EPHB1: variants seen among roughly 807,000 people sequenced by gnomAD.
EPHB1 encodes ephrin type-B receptor 1.
Under a neutral mutation model 94.4 loss-of-function variants are expected in EPHB1, and 30 were observed. The observed-to-expected ratio is 0.32, with a 90% confidence interval of 0.24 to 0.43. The LOEUF (loss-of-function observed/expected upper bound fraction) is 0.43, where lower values mean the gene tolerates loss of function less well. EPHB1 is among the 20% of genes least tolerant of loss of function. The pLI, the probability that EPHB1 is intolerant of heterozygous loss-of-function variation, is 1.00. For missense variants in EPHB1, 1,055 were observed against 1,308.3 expected (o/e 0.81, Z 2.99); for synonymous variants, 522 against 489.1 (o/e 1.07, Z -0.89).
chr3:135,085,048 A>C (rs1404576), intron 3 of EPHB1, among the ~76,000 whole-genome samples: 150,919 of 152,292 alleles, frequency 0.99, 74,791 homozygotes, highest in Middle Eastern at 1. Flanking sequence ...GATTCTGGAA[A>C]CTGGGTATTC....
intron 1 of EPHB1, among the ~76,000 whole-genome samples, chr3:134,906,360 G>A (rs1215603504): frequency 6.6e-6 from 1 of 152,114 alleles, no homozygotes; most frequent in Non-Finnish European, 1.5e-5. Flanking sequence ...TATCCTCTGG[G>A]TTCCAGCTGG....
intron 1 of EPHB1, among the ~76,000 whole-genome samples, chr3:134,865,939 A>G (rs1417328269): frequency 6.6e-6 from 1 of 152,230 alleles, no homozygotes; most frequent in Admixed American, 6.5e-5. Context: ...AAGCTACGTT[A>G]TCTGGAGAAA....
chr3:134,940,509 A>G (rs2107709358), intron 2 of EPHB1, among the ~76,000 whole-genome samples: 1 of 152,344 alleles, frequency 6.6e-6, no homozygotes, highest in East Asian at 1.9e-4. Context: ...CTTGCTGTTT[A>G]AACTTCTGTA....
At chr3:135,095,031 C>T (rs1026659659) in intron 3 of EPHB1, among the ~76,000 whole-genome samples, 25 of 152,196 alleles carry the variant, frequency 1.6e-4, no homozygotes, top group African/African-American at 6.0e-4. Context: ...GCAGCTGCTG[C>T]AGGAAGAGCC....
intron 5 of EPHB1, among the ~76,000 whole-genome samples, chr3:135,135,462 G>A (rs1186574395): frequency 6.6e-6 from 1 of 152,186 alleles, no homozygotes; most frequent in Non-Finnish European, 1.5e-5. Context: ...ATGAACAGAA[G>A]CTATGCATTT....
chr3:134,894,183 T>C (rs910182511), intron 1 of EPHB1, among the ~76,000 whole-genome samples: 2 of 152,176 alleles, frequency 1.3e-5, no homozygotes, highest in African/African-American at 4.8e-5. Context: ...GGGCTCCTAA[T>C]ATTCCTGGAA....
intron 2 of EPHB1, among the ~76,000 whole-genome samples, chr3:134,948,300 A>AC (rs34670725): frequency 0.52 from 78,019 of 150,686 alleles, 21,632 homozygotes; most frequent in African/African-American, 0.71. Flanking sequence ...GGATCATGAG[A>AC]CTGTTGTGTT....
intron 3 of EPHB1, 124 bp from the exon 4 acceptor site, chr3:135,106,324 C>A: frequency 1.9e-6 from 2 of 1,064,024 alleles, no homozygotes; most frequent in Non-Finnish European, 2.7e-6. Flanking sequence ...TTAGATCTCC[C>A]TTGGTACGAG....
chr3:135,022,490 T>C (rs1406000728), intron 3 of EPHB1, among the ~76,000 whole-genome samples: 1 of 152,224 alleles, frequency 6.6e-6, no homozygotes. Flanking sequence ...CTTGTAACAC[T>C]ACTCGGTCTT....
At chr3:134,932,684 C>A (rs192330185) in intron 2 of EPHB1, among the ~76,000 whole-genome samples, 1 of 152,180 alleles carries the variant, frequency 6.6e-6, no homozygotes, top group African/African-American at 2.4e-5. Context: ...TTGGTAAACA[C>A]TTAGGAAATG....
intron 10 of EPHB1, among the ~76,000 whole-genome samples, chr3:135,184,244 T>G (rs4894258): frequency 0.44 from 66,889 of 151,880 alleles, 15,166 homozygotes; most frequent in East Asian, 0.7. Flanking sequence ...GGCACCCAGG[T>G]TGTGGGGAGT....
At chr3:135,003,851 G>A (rs1384122918) in intron 3 of EPHB1, among the ~76,000 whole-genome samples, 1 of 151,962 alleles carries the variant, frequency 6.6e-6, no homozygotes, top group Non-Finnish European at 1.5e-5. Context: ...GCCTATGTGT[G>A]TCTCTGCACG....
chr3:134,840,866 A>G (rs1214913987), intron 1 of EPHB1, among the ~76,000 whole-genome samples: 1 of 152,162 alleles, frequency 6.6e-6, no homozygotes, highest in Non-Finnish European at 1.5e-5. Flanking sequence ...CTTCCAGCAC[A>G]GGGTGGGATT....
At chr3:134,950,144 G>A (rs888834252) in intron 2 of EPHB1, among the ~76,000 whole-genome samples, 3 of 152,194 alleles carry the variant, frequency 2.0e-5, no homozygotes, top group African/African-American at 7.2e-5. Flanking sequence ...GAAAGTTGCT[G>A]GGAATAGTGA....
intron 10 of EPHB1, among the ~76,000 whole-genome samples, chr3:135,186,236 C>T (rs1168259980): frequency 6.6e-6 from 1 of 152,206 alleles, no homozygotes; most frequent in East Asian, 1.9e-4. Context: ...TTGTGAATAC[C>T]GTGGCTGTCA....
intron 1 of EPHB1, among the ~76,000 whole-genome samples, chr3:134,903,602 G>GT (rs1403182357): frequency 2.6e-5 from 4 of 152,240 alleles, no homozygotes; most frequent in Non-Finnish European, 5.9e-5. Flanking sequence ...TCCTTTCACT[G>GT]TCCACTCATG....
In EPHB1 at chr3:134,898,498, T is replaced by G. The variant is rs551831145; in HGVS notation, c.59-27318T>G. Among the ~76,000 whole-genome samples the G allele has an allele frequency of 1.6e-3, 240 of 152,268 alleles. 2 individuals are homozygous for G. Among genetic ancestry groups the G allele is most frequent in the Non-Finnish European group, 1.6e-3 (107 of 68,022 alleles). ...CACTGATTCAGCTTCTCTCTGTACTTGGTGGCAGGCCAACCCCCATGCTCC... is the reference window on the plus strand; with the variant it reads ...CACTGATTCAGCTTCTCTCTGTACTGGGTGGCAGGCCAACCCCCATGCTCC... On this transcript the variant is annotated intron_variant, in intron 1 of 15. Coordinates refer to ENST00000398015, the MANE Select transcript of EPHB1 (RefSeq NM_004441.5).
At chr3:134,992,250 C>T (rs1934833086) in intron 3 of EPHB1, among the ~76,000 whole-genome samples, 1 of 152,144 alleles carries the variant, frequency 6.6e-6, no homozygotes. Context: ...AGGCGGGCTG[C>T]TCTTGGAGAA....
intron 3 of EPHB1, among the ~76,000 whole-genome samples, chr3:135,038,809 G>A (rs11921213): frequency 0.042 from 6,441 of 152,070 alleles, 464 homozygotes; most frequent in African/African-American, 0.15. Context: ...ATTGCAAAGA[G>A]CGAAAGAACA....
Sources: gnomAD v4.1 joint callset for allele counts (sites outside exome capture counted in the v4.1 genomes callset) on GRCh38, gnomAD v4.1.1 for gene constraint, MANE v1.5 for transcripts, NCBI Gene and HGNC (gene_info 2026-07-23, HGNC 2026-07-21) for gene names.